The following DCAF12 variants were observed in gnomAD, a reference collection of about 807,000 sequenced individuals.
DCAF12 encodes the protein DDB1 and CUL4 associated factor 12.
A neutral mutation model predicts 52.8 loss-of-function variants in DCAF12; 28 were observed. The ratio of observed to expected loss-of-function variants is 0.53; its 90% CI spans 0.39 to 0.73. The LOEUF (loss-of-function observed/expected upper bound fraction) is 0.73, where lower values mean the gene tolerates loss of function less well. Ranked by LOEUF, DCAF12 falls within the 30% of genes least tolerant of loss-of-function variation. DCAF12 has a pLI of 0.00. For missense variants in DCAF12, 425 were observed against 552.2 expected, an observed-to-expected ratio of 0.77 and a Z score of 2.31; for synonymous variants, 196 against 215.5, an observed-to-expected ratio of 0.91 and a Z score of 0.79.
intron 2 of DCAF12, chr9:34,109,187 T>A (rs1828958166): frequency 6.5e-6 from 1 of 153,500 alleles, no homozygotes; most frequent in Non-Finnish European, 1.5e-5. Context: ...CACCTCCTCA[T>A]AGGCCCACTC....
chr9:34,112,065 C>T (rs1254334902), intron 2 of DCAF12, among the ~76,000 whole-genome samples: 2 of 151,246 alleles, frequency 1.3e-5, no homozygotes, highest in East Asian at 3.9e-4. Flanking sequence ...ATTGCTTAAA[C>T]TCAGGAGGTG....
chr9:34,126,302 C>T, intron 1 of DCAF12, 52 bp downstream of exon 1: 2 of 1,600,460 alleles, frequency 1.2e-6, no homozygotes, highest in Non-Finnish European at 1.7e-6. Flanking sequence ...GACCCTAAGC[C>T]CATCTTGGTT....
chr9:34,093,121 T>C (rs967510860), intron 7 of DCAF12, among the ~76,000 whole-genome samples, 165 bp downstream of exon 7: 1 of 152,246 alleles, frequency 6.6e-6, no homozygotes. Flanking sequence ...AGTGCTGGGA[T>C]TACAGGCGTA....
intron 2 of DCAF12, among the ~76,000 whole-genome samples, chr9:34,111,157 TATATTTTTACTAA>T: frequency 6.6e-6 from 1 of 151,994 alleles, no homozygotes; most frequent in East Asian, 1.9e-4. Flanking sequence ...AGCTAATTTT[TATATTTTTACTAA>T]AGATGGGGTT....
intron 7 of DCAF12, 100 bp downstream of exon 7, chr9:34,093,186 T>C: frequency 2.8e-6 from 4 of 1,433,052 alleles, no homozygotes; most frequent in South Asian, 2.5e-5. Context: ...AAATGTTCCA[T>C]ACAGAGCACT....
Position 34,115,432 on chromosome 9 carries a change from A to C in DCAF12, c.334-7867T>G, listed in dbSNP as rs548489021. On this transcript the variant is annotated intron_variant, in intron 2 of 8. Transcript: ENST00000361264. Reference sequence around the variant, plus strand: ...TGGTGAAACCCCGTCTCTACTAAAAATACAAAAAATTAGCCGGGCGGCTGG... The same window carrying C: ...TGGTGAAACCCCGTCTCTACTAAAACTACAAAAAATTAGCCGGGCGGCTGG... Among the ~76,000 whole-genome samples the C allele has an allele frequency of 3.4e-4, 41 of 119,004 alleles. 5 individuals are homozygous for C. Among genetic ancestry groups the C allele is most frequent in the Admixed American group, 3.2e-3 (37 of 11,514 alleles). The allele number at this position is 119,004 out of a possible 152,430, so 78.1% of individuals were successfully genotyped here.
intron 2 of DCAF12, among the ~76,000 whole-genome samples, chr9:34,119,978 T>C (rs1166750591): frequency 1.3e-5 from 2 of 151,684 alleles, no homozygotes; most frequent in African/African-American, 4.8e-5. Context: ...AAGTGCTGGA[T>C]TACAGTCATG....
chr9:34,118,962 C>T (rs767133461), intron 2 of DCAF12, among the ~76,000 whole-genome samples: 1 of 151,988 alleles, frequency 6.6e-6, no homozygotes, highest in Non-Finnish European at 1.5e-5. Context: ...AAGACCCTGT[C>T]TCAAAAAAGA....
chr9:34,090,899 C>T (rs1184417100), intron 7 of DCAF12, among the ~76,000 whole-genome samples: 1 of 151,880 alleles, frequency 6.6e-6, no homozygotes, highest in East Asian at 2.0e-4. Context: ...CTCAGGTGAT[C>T]CACCTGCCTC....
At chr9:34,124,871 G>C in intron 2 of DCAF12, 152 bp downstream of exon 2, 10 of 961,964 alleles carry the variant, frequency 1.0e-5, no homozygotes, top group Non-Finnish European at 1.2e-5. Context: ...AACACGAAAA[G>C]AGGAAGAAGT....
intron 4 of DCAF12, among the ~76,000 whole-genome samples, chr9:34,101,098 T>A (rs1240967333): frequency 7.2e-6 from 1 of 139,526 alleles, no homozygotes; most frequent in Non-Finnish European, 1.5e-5. Context: ...ATGAGACAGG[T>A]TCTGGCTCTG....
chr9:34,126,200 G>C (rs181713779), intron 1 of DCAF12, among the ~76,000 whole-genome samples, 154 bp downstream of exon 1: 1 of 152,164 alleles, frequency 6.6e-6, no homozygotes, highest in African/African-American at 2.4e-5. Context: ...CAGTTAACGA[G>C]GGTCCAGTCC....
At position 34,089,110 on chromosome 9, in the gene DCAF12, C is replaced by CAA. The variant is rs771038838; in HGVS notation, c.1203+300_1203+301dup. On this transcript the variant is annotated intron_variant, in intron 8 of 8. Transcript: ENST00000361264. Reference sequence around the variant, plus strand: ...CCTGGGCAACAGAGTGACCCTGTCTCAAAAAAAAAAAAAAAAAAAAAATTC... The same window carrying CAA: ...CCTGGGCAACAGAGTGACCCTGTCTCAAAAAAAAAAAAAAAAAAAAAAAATTC... Among the ~76,000 whole-genome samples the CAA allele has an allele frequency of 9.8e-3, 910 of 92,422 alleles. 6 individuals carry two copies. Among genetic ancestry groups the CAA allele is most frequent in the Non-Finnish European group, 0.015 (656 of 44,588 alleles). The allele number at this position is 92,422 out of a possible 152,430, so 60.6% of individuals were successfully genotyped here. A position where few individuals can be genotyped will look rare whatever the true frequency, so the allele number is the denominator to read the frequency against.
intron 4 of DCAF12, among the ~76,000 whole-genome samples, chr9:34,100,212 T>G (rs1174486771): frequency 6.7e-6 from 1 of 150,030 alleles, no homozygotes; most frequent in Non-Finnish European, 1.5e-5. Flanking sequence ...TTTTTTTTTT[T>G]TTTTGAGATG....
At chr9:34,093,252 G>C in intron 7 of DCAF12, 34 bp downstream of exon 7, 1 of 1,613,014 alleles carries the variant, frequency 6.2e-7, no homozygotes, top group Non-Finnish European at 8.5e-7. Context: ...ATGCAGTGCA[G>C]CTGTAGGCCT....
At chr9:34,101,230 C>T (rs534507101) in intron 4 of DCAF12, among the ~76,000 whole-genome samples, 28 of 151,970 alleles carry the variant, frequency 1.8e-4, no homozygotes, top group African/African-American at 6.3e-4. Context: ...TATCCTCATG[C>T]CCAGGTAATT....
In DCAF12 at chr9:34,124,940, G is replaced by A. The variant is rs1224455101; in HGVS notation, c.333+83C>T. On this transcript the variant is annotated intron_variant, in intron 2 of 8. Transcript: ENST00000361264. ...CAAGTCCCTCCTAAAAGAAACAGAC[G>A]GGAAAACTAGCAGAGGTTCTAGAGC... The A allele has an allele frequency of 2.2e-5, 33 of 1,534,756 alleles. 1 individual carries two copies. The highest frequency in any genetic ancestry group is 2.6e-5 in the Non-Finnish European group (29 of 1,134,296).
intron 2 of DCAF12, among the ~76,000 whole-genome samples, chr9:34,108,400 C>A (rs989595964): frequency 8.5e-5 from 13 of 152,200 alleles, no homozygotes; most frequent in African/African-American, 3.1e-4. Flanking sequence ...GTCAGCAATT[C>A]TCATGTTGAA....
At position 34,087,690 on chromosome 9, in the gene DCAF12, T is replaced by C. The variant is rs1452731194; in HGVS notation, c.*660A>G. 6.6e-6 allele frequency: 1 copy of C among 152,182 alleles called. No individual in the cohort carries two copies. The highest frequency in any genetic ancestry group is 1.5e-5 in the Non-Finnish European group (1 of 68,022). The allele number at this position is 152,182 out of a possible 1,614,324, so 9.4% of individuals were successfully genotyped here. A position where few individuals can be genotyped will look rare whatever the true frequency, so the allele number is the denominator to read the frequency against. ...GAAGCCTACAATCTAACTAAAAAGATTTTCCCAGTGGTAATTTCTTTTCCT... is the reference window on the plus strand; with the variant it reads ...GAAGCCTACAATCTAACTAAAAAGACTTTCCCAGTGGTAATTTCTTTTCCT... On this transcript the variant is annotated 3_prime_UTR_variant, in exon 9 of 9. Transcript: ENST00000361264.
Sources: allele counts gnomAD v4.1 joint callset (sites outside exome capture counted in the v4.1 genomes callset), GRCh38; gene constraint gnomAD v4.1.1; transcripts MANE v1.5; gene names NCBI Gene and HGNC (gene_info 2026-07-23, HGNC 2026-07-21).